Variants in SLC39A8 observed in about 807,000 individuals in gnomAD.
SLC39A8 encodes the protein solute carrier family 39 member 8.
A neutral mutation model predicts 40.4 loss-of-function variants in SLC39A8; 15 were observed. The ratio of observed to expected loss-of-function variants is 0.37; its 90% confidence interval spans 0.25 to 0.57. The LOEUF is 0.57. Among genes scored for constraint, SLC39A8 ranks in the 20% least tolerant of loss-of-function variants. SLC39A8 has a pLI of 0.75. For synonymous variants in SLC39A8, 223 were observed against 221.6 expected, an observed-to-expected ratio of 1.01 and a Z score of -0.06; for missense variants, 472 against 558.8, an observed-to-expected ratio of 0.84 and a Z score of 1.57.
chr4:102,254,482 A>T (rs949589064), intron 11 of SLC39A8, among the ~76,000 whole-genome samples: 3 of 152,232 alleles, frequency 2.0e-5, no homozygotes, highest in Admixed American at 6.5e-5. Flanking sequence ...TTGAACAATT[A>T]ATTTTTAAGT....
intron 6 of SLC39A8, among the ~76,000 whole-genome samples, chr4:102,295,884 GC>G (rs1330484400): frequency 1.3e-5 from 2 of 152,078 alleles, no homozygotes; most frequent in Admixed American, 1.3e-4. Context: ...ACTTGGACAA[GC>G]TTTTATCTGG....
At chr4:102,253,533 C>G in intron 11 of SLC39A8, 1 of 562,508 alleles carries the variant, frequency 1.8e-6, no homozygotes, top group Middle Eastern at 3.1e-4. Context: ...CTCCTTTTTC[C>G]TAATCACATC....
chr4:102,333,025 G>A lies in SLC39A8; in HGVS notation c.219+11419C>T, dbSNP rs148937420. On this transcript the variant is annotated intron_variant, in intron 2 of 8. Coordinates refer to ENST00000356736, the MANE Select transcript of SLC39A8 (RefSeq NM_001135146.2). ...ACACTGGGGTCTGTCAGGGGCTGCG[G>A]GGCTAGGGGAGGTATAGCATTAGGA... Among the ~76,000 whole-genome samples, 18 of 152,254 alleles carry A rather than the reference G, an allele frequency of 1.2e-4. No homozygotes were observed. In the East Asian group the frequency reaches 3.5e-3, roughly 29 times the overall value.
intron 6 of SLC39A8, among the ~76,000 whole-genome samples, chr4:102,272,814 CAGGGTG>C (rs367972981): frequency 6.6e-6 from 1 of 152,070 alleles, no homozygotes; most frequent in African/African-American, 2.4e-5. Context: ...CAAGCAGAAG[CAGGGTG>C]AGGACCCAGG....
chr4:102,326,453 C>T (rs904281509), intron 2 of SLC39A8, among the ~76,000 whole-genome samples: 8 of 151,990 alleles, frequency 5.3e-5, no homozygotes, highest in South Asian at 4.2e-4. Flanking sequence ...CCCAGCTACT[C>T]GGGAGGCTGA....
At chr4:102,323,258 T>C (rs971411026) in intron 2 of SLC39A8, among the ~76,000 whole-genome samples, 2 of 152,246 alleles carry the variant, frequency 1.3e-5, no homozygotes, top group Admixed American at 1.3e-4. Context: ...ACACCTTCTC[T>C]GAGTCAGGTA....
intron 2 of SLC39A8, among the ~76,000 whole-genome samples, chr4:102,330,675 G>A (rs1439919132): frequency 2.6e-5 from 4 of 151,744 alleles, no homozygotes; most frequent in East Asian, 3.8e-4. Flanking sequence ...CTCATTTTAC[G>A]AGGTCAGCAT....
At chr4:102,263,762 T>C (rs180685467) in intron 8 of SLC39A8, among the ~76,000 whole-genome samples, 25 of 152,348 alleles carry the variant, frequency 1.6e-4, no homozygotes, top group African/African-American at 6.0e-4. Flanking sequence ...ATGAACTATG[T>C]TTATAGAATA....
In SLC39A8 at chr4:102,309,744, G is replaced by A. The variant is rs111869733; in HGVS notation, c.383-2139C>T. On this transcript the variant is annotated intron_variant, in intron 3 of 8. Transcript: ENST00000356736. ...CTCATCAGCTTCCCTGCAAACACCT[G>A]TTCCATTACCCTTGTTCACTACCTA... 7.0e-4 allele frequency among the ~76,000 whole-genome samples: 107 copies of A among 152,224 alleles called. 1 individual carries two copies. The highest frequency in any genetic ancestry group is 2.5e-3 in the African/African-American group (102 of 41,558).
At chr4:102,312,168 C>T (rs1444384774) in intron 3 of SLC39A8, among the ~76,000 whole-genome samples, 1 of 151,982 alleles carries the variant, frequency 6.6e-6, no homozygotes, top group Non-Finnish European at 1.5e-5. Flanking sequence ...CAAGATATCA[C>T]ATCAAAAAGG....
chr4:102,269,200 G>C (rs758349086), intron 6 of SLC39A8, among the ~76,000 whole-genome samples: 11 of 151,992 alleles, frequency 7.2e-5, no homozygotes, highest in Admixed American at 6.6e-5. Context: ...ACAGAGAGGG[G>C]CTTACTTCAG....
intron 6 of SLC39A8, among the ~76,000 whole-genome samples, chr4:102,273,732 G>A (rs571219094): frequency 2.7e-4 from 41 of 152,282 alleles, no homozygotes; most frequent in Admixed American, 2.0e-3. Context: ...CATCTGGGAC[G>A]AAGCTTCCAG....
At chr4:102,274,953 A>C (rs1327635211) in intron 6 of SLC39A8, among the ~76,000 whole-genome samples, 1 of 152,206 alleles carries the variant, frequency 6.6e-6, no homozygotes, top group African/African-American at 2.4e-5. Flanking sequence ...TGAAGGAAGC[A>C]GTAAATATGG....
intron 2 of SLC39A8, among the ~76,000 whole-genome samples, chr4:102,322,190 TG>T (rs1734994984): frequency 6.6e-6 from 1 of 152,208 alleles, no homozygotes; most frequent in African/African-American, 2.4e-5. Flanking sequence ...CTAGTCCTGC[TG>T]TGAGTCTGGG....
intron 6 of SLC39A8, among the ~76,000 whole-genome samples, chr4:102,290,491 G>T (rs1195684051): frequency 6.6e-6 from 1 of 152,118 alleles, no homozygotes; most frequent in Non-Finnish European, 1.5e-5. Flanking sequence ...CAAAGAAGCA[G>T]ACTACTTTCA....
At chr4:102,339,324 G>GAA (rs1281646921) in intron 2 of SLC39A8, among the ~76,000 whole-genome samples, 2 of 141,462 alleles carry the variant, frequency 1.4e-5, no homozygotes, top group Non-Finnish European at 3.1e-5. Context: ...ACATAAAGGG[G>GAA]AAAAAAAAAA....
At chr4:102,342,737 T>A (rs1382756156) in intron 2 of SLC39A8, among the ~76,000 whole-genome samples, 1 of 152,208 alleles carries the variant, frequency 6.6e-6, no homozygotes, top group East Asian at 1.9e-4. Context: ...AGAATCGTAT[T>A]ACTGGTACAC....
At chr4:102,305,261 C>A in intron 4 of SLC39A8, 150 bp from the exon 5 acceptor site, 1 of 820,170 alleles carries the variant, frequency 1.2e-6, no homozygotes, top group Non-Finnish European at 1.9e-6. Context: ...AATCACAAAA[C>A]AAAAACTTTG....
chr4:102,334,525 G>A (rs1029419564), intron 2 of SLC39A8, among the ~76,000 whole-genome samples: 5 of 152,154 alleles, frequency 3.3e-5, no homozygotes, highest in African/African-American at 9.7e-5. Flanking sequence ...TTAACAAGGG[G>A]AAGAAAAGAC....
Sources: gnomAD v4.1 joint callset for allele counts (sites outside exome capture counted in the v4.1 genomes callset) on GRCh38, gnomAD v4.1.1 for gene constraint, MANE v1.5 for transcripts, NCBI Gene and HGNC (gene_info 2026-07-23, HGNC 2026-07-21) for gene names.